The following KIAA0232 variants were observed in gnomAD, a reference collection of about 807,000 sequenced individuals.
KIAA0232 encodes uncharacterized protein KIAA0232.
In KIAA0232, 27 loss-of-function variants were observed where a neutral mutation model predicts 122.0. The observed-to-expected ratio is 0.22, with a 90% CI of 0.16 to 0.31. KIAA0232 has a LOEUF of 0.31. Ranked by LOEUF, KIAA0232 falls within the 10% of genes least tolerant of loss-of-function variation. The pLI is 1.00. For missense variants in KIAA0232, 1,551 were observed against 1,634.2 expected (o/e 0.95, Z 0.88); for synonymous variants, 613 against 587.6 (o/e 1.04, Z -0.63).
chr4:6,838,004 G>T (rs1381095793), intron 3 of KIAA0232, among the ~76,000 whole-genome samples: 1 of 152,116 alleles, frequency 6.6e-6, no homozygotes, highest in Non-Finnish European at 1.5e-5. Flanking sequence ...GTAGATTCTG[G>T]ATATTAGCCC....
In KIAA0232 at chr4:6,855,063, GATTTTTTATTTTTT is replaced by G. The variant is rs1336129824; in HGVS notation, c.370-2086_370-2073del. Among the ~76,000 whole-genome samples, 10 of 151,838 alleles carry G rather than the reference GATTTTTTATTTTTT, an allele frequency of 6.6e-5. No homozygotes were observed. The highest frequency in any genetic ancestry group is 2.2e-4 in the African/African-American group (9 of 41,366). On this transcript the variant is annotated intron_variant, in intron 4 of 9. Coordinates refer to ENST00000307659, the MANE Select transcript of KIAA0232 (RefSeq NM_014743.3). This position sits in a 1 kb window ranked among gnomAD's most constrained non-coding sequence, Gnocchi z 4.3. ...TGTGATGGTGACCCAGGGTTCTCAT[GATTTTTTATTTTTT>G]ATTTTTTATTTTTTTTTATTTTTTT...
At chr4:6,875,791 C>T (rs1449085643) in intron 8 of KIAA0232, among the ~76,000 whole-genome samples, 1 of 152,152 alleles carries the variant, frequency 6.6e-6, no homozygotes, top group South Asian at 2.1e-4. Context: ...CAAGTTCCTC[C>T]TTTTACTCTG....
At position 6,876,760 on chromosome 4, in the gene KIAA0232, A is replaced by G; in HGVS notation, c.4008+3A>G. The G allele has an allele frequency of 6.3e-7, 1 of 1,580,736 alleles. No individual in the cohort carries two copies. The highest frequency in any genetic ancestry group is 1.1e-5 in the South Asian group (1 of 90,376). On this transcript the variant is annotated splice_donor_region_variant and intron_variant, in intron 9 of 9. Coordinates refer to ENST00000307659, the MANE Select transcript of KIAA0232 (RefSeq NM_014743.3). ...AGCGCCTGTTAGATTTTAATAGGGTAAGTGGACTGTCCTCCTCCTCGTCAT... is the reference window on the plus strand; with the variant it reads ...AGCGCCTGTTAGATTTTAATAGGGTGAGTGGACTGTCCTCCTCCTCGTCAT...
At chr4:6,788,354 A>C (rs1160822496) in intron 1 of KIAA0232, among the ~76,000 whole-genome samples, 1 of 151,960 alleles carries the variant, frequency 6.6e-6, no homozygotes, top group Non-Finnish European at 1.5e-5. Flanking sequence ...TCAACACAAG[A>C]CCTCTGGCCA....
At chr4:6,813,215 G>A (rs1019527022) in intron 2 of KIAA0232, among the ~76,000 whole-genome samples, 2 of 152,054 alleles carry the variant, frequency 1.3e-5, no homozygotes, top group Non-Finnish European at 2.9e-5. Flanking sequence ...GAGAAGATTT[G>A]TGAACTTCTT....
chr4:6,863,650 TGTG>T lies in KIAA0232; in HGVS notation c.3272_3274del (p.Gly1091del). 6.2e-7 allele frequency: 1 copy of T among 1,614,218 alleles called. No homozygotes were observed. The highest frequency in any genetic ancestry group is 8.5e-7 in the Non-Finnish European group (1 of 1,180,034). ...CAGTGAAGTGTTTCACCCCAGGATATGTGGTGTTGACAGAACACAATACAGGGC... is the reference window on the plus strand; with the variant it reads ...CAGTGAAGTGTTTCACCCCAGGATATGTGTTGACAGAACACAATACAGGGC... On this transcript the variant is annotated inframe_deletion, in exon 7 of 10. Coordinates refer to ENST00000307659, the MANE Select transcript of KIAA0232 (RefSeq NM_014743.3).
chr4:6,821,416 T>G (rs1164388412), intron 2 of KIAA0232, among the ~76,000 whole-genome samples: 1 of 152,062 alleles, frequency 6.6e-6, no homozygotes, highest in Non-Finnish European at 1.5e-5. Flanking sequence ...CTGGTATCAT[T>G]CTTATGCCTT....
At chr4:6,795,218 C>T (rs934900120) in intron 1 of KIAA0232, among the ~76,000 whole-genome samples, 1 of 152,096 alleles carries the variant, frequency 6.6e-6, no homozygotes, top group Non-Finnish European at 1.5e-5. Context: ...CTACAGGCAC[C>T]CACCACCACG....
chr4:6,822,277 G>A (rs2109024504), intron 2 of KIAA0232, among the ~76,000 whole-genome samples: 1 of 152,182 alleles, frequency 6.6e-6, no homozygotes, highest in Admixed American at 6.5e-5. Context: ...ATAGTAGAGA[G>A]GATTTTAAAA....
intron 1 of KIAA0232, among the ~76,000 whole-genome samples, chr4:6,797,221 C>T (rs1273402252): frequency 6.6e-6 from 1 of 152,180 alleles, no homozygotes; most frequent in African/African-American, 2.4e-5. Flanking sequence ...CTGACTGGAA[C>T]TTACTTAGGC....
At chr4:6,864,232 A>T (rs890465354) in intron 7 of KIAA0232, 49 bp downstream of exon 7, 10 of 1,527,384 alleles carry the variant, frequency 6.5e-6, no homozygotes, top group Non-Finnish European at 8.8e-6. Context: ...ATCAGAGTTT[A>T]ACCCAAGAAC....
intron 5 of KIAA0232, 70 bp downstream of exon 5, chr4:6,857,300 C>A: frequency 7.4e-7 from 1 of 1,347,736 alleles, no homozygotes; most frequent in South Asian, 1.3e-5. Context: ...TGGGGAAAAT[C>A]TTAGAATTGA....
At chr4:6,872,719 G>A (rs183885103) in intron 8 of KIAA0232, among the ~76,000 whole-genome samples, 1 of 152,330 alleles carries the variant, frequency 6.6e-6, no homozygotes, top group Non-Finnish European at 1.5e-5. Flanking sequence ...ACGGGTTCAC[G>A]TGTTTGTCAC....
chr4:6,835,565 C>G (rs1417724756), intron 3 of KIAA0232, among the ~76,000 whole-genome samples: 1 of 152,118 alleles, frequency 6.6e-6, no homozygotes, highest in Non-Finnish European at 1.5e-5. Flanking sequence ...TTTGCTGCAC[C>G]CATCAACTCG....
Position 6,862,979 on chromosome 4 carries a change from C to G in KIAA0232, c.2597C>G (p.Ala866Gly), listed in dbSNP as rs766599859. 9 of 1,614,084 alleles carry G rather than the reference C, an allele frequency of 5.6e-6. No homozygotes were observed. The East Asian group carries it at 2.0e-4, about 36-fold the overall frequency. ...TACTGCTGCTGTCTAGATGCTGAAG[C>G]TGAACTGGAGACCCTTCAGGAGCCT... ...NNYCCCLDAE[A>G]ELETLQEPDK... Residue 866 changes from alanine to glycine, a missense_variant, in exon 7 of 10, where the codon GCT (alanine) becomes GGT (glycine). Physicochemically the swap from Ala to Gly is moderately conservative, Grantham distance 60 (BLOSUM62 0). Transcript: ENST00000307659.
At chr4:6,822,811 G>T (rs1200155102) in intron 2 of KIAA0232, among the ~76,000 whole-genome samples, 1 of 149,878 alleles carries the variant, frequency 6.7e-6, no homozygotes, top group East Asian at 1.9e-4. Flanking sequence ...AAGTTTTAGG[G>T]TACATGTGCA....
At chr4:6,858,926 A>G (rs1466446182) in intron 6 of KIAA0232, among the ~76,000 whole-genome samples, 1 of 151,992 alleles carries the variant, frequency 6.6e-6, no homozygotes, top group African/African-American at 2.4e-5. Context: ...CCTGGTCAAC[A>G]TGGTGAAACC....
intron 2 of KIAA0232, among the ~76,000 whole-genome samples, chr4:6,808,419 T>C (rs1262230964): frequency 6.7e-6 from 1 of 149,364 alleles, no homozygotes; most frequent in African/African-American, 2.5e-5. Flanking sequence ...AACTTTGTAG[T>C]GAGAAAGGAC....
intron 1 of KIAA0232, among the ~76,000 whole-genome samples, chr4:6,791,234 T>G (rs984092632): frequency 3.3e-5 from 5 of 151,628 alleles, no homozygotes; most frequent in Admixed American, 6.6e-5. Flanking sequence ...TTATATACTT[T>G]AAAGTTTAAA....
Sources: gnomAD v4.1 joint callset for allele counts (sites outside exome capture counted in the v4.1 genomes callset) on GRCh38, gnomAD v4.1.1 for gene constraint, Gnocchi (gnomAD v3.1) non-coding constraint, MANE v1.5 for transcripts, NCBI Gene and HGNC (gene_info 2026-07-23, HGNC 2026-07-21) for gene names.